Variants in FAR2 observed in about 807,000 individuals in gnomAD.
The protein encoded by FAR2 is epididymis secretory protein Li 81.
In FAR2, 19 loss-of-function variants were observed where a neutral mutation model predicts 56.0. That is an observed-to-expected ratio of 0.34 (90% confidence interval 0.24 to 0.50). The LOEUF is 0.50. Among genes scored for constraint, FAR2 ranks in the 20% least tolerant of loss-of-function variants. The pLI, the probability that FAR2 is intolerant of heterozygous loss-of-function variation, is 0.98. For synonymous variants in FAR2, 219 were observed against 218.8 expected (o/e 1.00, Z -0.01); for missense variants, 508 against 642.2 (o/e 0.79, Z 2.26).
intron 1 of FAR2, among the ~76,000 whole-genome samples, chr12:29,210,016 G>A (rs2136627047): frequency 6.6e-6 from 1 of 152,108 alleles, no homozygotes; most frequent in East Asian, 1.9e-4. Context: ...AGACCAGCCT[G>A]GGCAATATAA....
At chr12:29,332,931 C>A in intron 11 of FAR2, 1 of 644,666 alleles carries the variant, frequency 1.6e-6, no homozygotes, top group Non-Finnish European at 2.8e-6. Flanking sequence ...TTTGTTACCC[C>A]ATTTTTATGA....
chr12:29,161,461 A>C (rs1949781336), intron 1 of FAR2, among the ~76,000 whole-genome samples: 1 of 152,158 alleles, frequency 6.6e-6, no homozygotes, highest in Admixed American at 6.5e-5. Context: ...GATCTTTCAA[A>C]TTATTGTGTG....
chr12:29,175,718 C>T (rs1252646166), intron 1 of FAR2, among the ~76,000 whole-genome samples: 4 of 152,122 alleles, frequency 2.6e-5, no homozygotes, highest in African/African-American at 7.2e-5. Flanking sequence ...TGATTTGGTG[C>T]GTTTTTACAG....
chr12:29,192,112 G>A (rs1317867032), intron 1 of FAR2, among the ~76,000 whole-genome samples: 1 of 152,202 alleles, frequency 6.6e-6, no homozygotes, highest in Non-Finnish European at 1.5e-5. Context: ...ATGGCCCAGT[G>A]AGTAGCCATG....
intron 1 of FAR2, among the ~76,000 whole-genome samples, chr12:29,219,684 T>G (rs2136637781): frequency 6.6e-6 from 1 of 152,302 alleles, no homozygotes; most frequent in Admixed American, 6.5e-5. Flanking sequence ...GCTTAAAAAC[T>G]GAAACTGGCT....
intron 8 of FAR2, among the ~76,000 whole-genome samples, chr12:29,316,634 C>G (rs1343804568): frequency 2.0e-5 from 3 of 152,140 alleles, no homozygotes; most frequent in Non-Finnish European, 4.4e-5. Context: ...ACTAAAGAAT[C>G]CAATTATTAA....
chr12:29,298,240 T>A (rs987495302), intron 4 of FAR2, among the ~76,000 whole-genome samples: 1 of 151,588 alleles, frequency 6.6e-6, no homozygotes, highest in African/African-American at 2.4e-5. Flanking sequence ...GGTCTTAGAA[T>A]AAGTTTGTTT....
chr12:29,285,042 T>C (rs923216349), intron 2 of FAR2, among the ~76,000 whole-genome samples: 17 of 151,996 alleles, frequency 1.1e-4, no homozygotes, highest in Non-Finnish European at 1.8e-4. Context: ...GGGGTTTCAC[T>C]GTGTTAGCCA....
chr12:29,271,307 C>T (rs1333152328), intron 2 of FAR2, among the ~76,000 whole-genome samples: 1 of 152,146 alleles, frequency 6.6e-6, no homozygotes, highest in Non-Finnish European at 1.5e-5. Flanking sequence ...AACCTTGGGT[C>T]TCAAACATAT....
At chr12:29,227,696 G>A (rs1349285892) in intron 1 of FAR2, among the ~76,000 whole-genome samples, 1 of 152,116 alleles carries the variant, frequency 6.6e-6, no homozygotes, top group Non-Finnish European at 1.5e-5. Context: ...ACTGAAATAA[G>A]AGATAAGAAA....
chr12:29,319,243 G>A (rs945390655), intron 9 of FAR2, among the ~76,000 whole-genome samples: 1 of 151,942 alleles, frequency 6.6e-6, no homozygotes, highest in Non-Finnish European at 1.5e-5. Context: ...CACCCGCCTC[G>A]GCCTCCCAAA....
intron 1 of FAR2, among the ~76,000 whole-genome samples, chr12:29,207,817 A>G (rs765715925): frequency 2.3e-4 from 35 of 152,198 alleles, no homozygotes; most frequent in Non-Finnish European, 5.1e-4. Context: ...ATTCTGTTAG[A>G]CCTTTAAAGA....
At chr12:29,286,104 A>C (rs956328273) in intron 2 of FAR2, among the ~76,000 whole-genome samples, 4 of 151,740 alleles carry the variant, frequency 2.6e-5, no homozygotes, top group Non-Finnish European at 5.9e-5. Flanking sequence ...CACACACACA[A>C]CACAGCTTTC....
chr12:29,257,575 A>G (rs1215544434), intron 1 of FAR2, among the ~76,000 whole-genome samples: 1 of 152,180 alleles, frequency 6.6e-6, no homozygotes, highest in Non-Finnish European at 1.5e-5. Flanking sequence ...CACTGCCTTT[A>G]TGAGCTGTAA....
chr12:29,316,775 G>A, intron 8 of FAR2, 66 bp from the exon 9 acceptor site: 1 of 1,493,108 alleles, frequency 6.7e-7, no homozygotes, highest in Non-Finnish European at 9.2e-7. Context: ...CATTACAAAT[G>A]CTTTCCACTA....
intron 1 of FAR2, among the ~76,000 whole-genome samples, chr12:29,174,063 G>T (rs1411103517): frequency 6.6e-6 from 1 of 152,170 alleles, no homozygotes; most frequent in East Asian, 1.9e-4. Flanking sequence ...CTGTAAAGAT[G>T]TTATGCCCCA....
intron 1 of FAR2, among the ~76,000 whole-genome samples, chr12:29,198,312 C>T (rs905342070): frequency 2.6e-5 from 4 of 151,964 alleles, no homozygotes; most frequent in Non-Finnish European, 5.9e-5. Flanking sequence ...CACTGCAAGC[C>T]CCACCTCCCA....
intron 2 of FAR2, among the ~76,000 whole-genome samples, chr12:29,282,992 TC>T (rs112333349): frequency 0.042 from 6,421 of 152,240 alleles, 451 homozygotes; most frequent in African/African-American, 0.15. Flanking sequence ...TTGAGGACTT[TC>T]TCACAAAGAT....
intron 1 of FAR2, among the ~76,000 whole-genome samples, chr12:29,168,404 G>A (rs1365009439): frequency 6.6e-6 from 1 of 152,220 alleles, no homozygotes; most frequent in Non-Finnish European, 1.5e-5. Context: ...GCCCTGTGAG[G>A]CATCCTCATT....
Sources: allele counts gnomAD v4.1 joint callset (sites outside exome capture counted in the v4.1 genomes callset), GRCh38; gene constraint gnomAD v4.1.1; transcripts MANE v1.5; gene names NCBI Gene and HGNC (gene_info 2026-07-23, HGNC 2026-07-21).